KMT2D: variants seen among roughly 807,000 people sequenced by gnomAD.
KMT2D encodes lysine methyltransferase 2D.
KMT2D carries 55 observed loss-of-function variants against 512.7 expected under a neutral mutation model. The observed-to-expected ratio is 0.11, with a 90% confidence interval of 0.09 to 0.13. The LOEUF (loss-of-function observed/expected upper bound fraction) is 0.13, where lower values mean the gene tolerates loss of function less well. Among genes scored for constraint, KMT2D ranks in the 10% least tolerant of loss-of-function variants. The pLI is 1.00. For synonymous variants in KMT2D, 2,995 were observed against 2,904.0 expected (o/e 1.03, Z -1.01); for missense variants, 6,061 against 7,127.9 (o/e 0.85, Z 5.39).
intron 1 of KMT2D, among the ~76,000 whole-genome samples, chr12:49,056,373 C>G (rs1030160423): frequency 6.6e-6 from 1 of 151,924 alleles, no homozygotes; most frequent in African/African-American, 2.4e-5. Flanking sequence ...ATGAAACACA[C>G]TAAAGTTATA....
rs1440584251 is a variant in KMT2D, at chr12:49,038,894, T to C, written c.8462A>G (p.Gln2821Arg). 6.4e-7 allele frequency: 1 copy of C among 1,551,558 alleles called. No homozygotes were observed. The highest frequency in any genetic ancestry group is 1.4e-5 in the African/African-American group (1 of 73,010). ...QQQQQQLWQQ[Q>R]QATAATSMRF... is the part of the protein sequence containing the mutation. ...CATGGAGGTTGCTGCTGTTGCCTGT[T>C]GTTGCTGCCACAGTTGTTGCTGTTG... Residue 2821 changes from glutamine to arginine, a missense_variant, in exon 35 of 55, where the codon CAA (glutamine) becomes CGA (arginine). Physicochemically the swap from Gln to Arg is conservative, Grantham distance 43. Coordinates refer to ENST00000301067, the MANE Select transcript of KMT2D (RefSeq NM_003482.4). The surrounding 1 kb of genome is among the most constrained non-coding windows in gnomAD (Gnocchi z 5.7).
rs777346353 is a variant in KMT2D, at chr12:49,038,490, T to A, written c.8866A>T (p.Thr2956Ser). ...ACCAGCTCCAAACCAGTTGGCAGGG[T>A]AGGACCCTTGGTGTGGGGTGTTGGA... is the stretch of plus-strand genomic sequence containing the variant. ...LHPTPHTKGP[T>S]LPTGLELVNR... is the part of the protein sequence containing the mutation. The change falls in exon 35 of 55, where the codon ACC (threonine) becomes TCC (serine). Residue 2956 changes from threonine (T) to serine (S), a missense_variant. Coordinates refer to ENST00000301067, the MANE Select transcript of KMT2D (RefSeq NM_003482.4). This position sits in a 1 kb window ranked among gnomAD's most constrained non-coding sequence, Gnocchi z 5.7. 2 of 1,606,730 alleles carry A rather than the reference T, an allele frequency of 1.2e-6. No individual in the cohort carries two copies. Among genetic ancestry groups the A allele is most frequent in the Middle Eastern group, 1.7e-4 (1 of 6,026 alleles).
Position 49,052,679 on chromosome 12 carries a change from G to T in KMT2D, c.1143C>A (p.Pro381=). ...CGTACAGAGCATCGGGCTCGTCAGT[G>T]GGGGTATCGCCAGGCTCTGGGGGTG... The part of the protein sequence containing the change: ...RFSPPEPGDT[P]TDEPDALYVA... Residue 381 remains proline (P), a synonymous_variant, in exon 10 of 55, where the codon CCC becomes CCA. Transcript: ENST00000301067. 1 of 1,613,750 alleles carries T rather than the reference G, an allele frequency of 6.2e-7. No individual in the cohort carries two copies. Among genetic ancestry groups the T allele is most frequent in the Non-Finnish European group, 8.5e-7 (1 of 1,179,760 alleles).
chr12:49,057,295 C>T (rs970440214), intron 1 of KMT2D, among the ~76,000 whole-genome samples: 1 of 152,334 alleles, frequency 6.6e-6, no homozygotes, highest in Middle Eastern at 3.4e-3. Flanking sequence ...CCTCTACCCG[C>T]TCTGGTCTCA....
rs1938348285 is a variant in KMT2D at position 49,055,383 on chromosome 12, T to C, written c.-37-22A>G. The C allele has an allele frequency of 2.0e-6, 3 of 1,489,360 alleles. No individual in the cohort carries two copies. The Admixed American group carries it at 5.5e-5, about 27-fold the overall frequency. 92.3% of individuals were successfully genotyped at this position (1,489,360 alleles called of 1,614,324 possible). A position where few individuals can be genotyped will look rare whatever the true frequency, so the allele number is the denominator to read the frequency against. Reference sequence around the variant, plus strand: ...AGACCTGTTGGTGCCAAGAAAGAGATCTATATGCCTACTAAGTCTTCCCAA... The same window carrying C: ...AGACCTGTTGGTGCCAAGAAAGAGACCTATATGCCTACTAAGTCTTCCCAA... On this transcript the variant is annotated intron_variant, in intron 1 of 54. Coordinates refer to ENST00000301067, the MANE Select transcript of KMT2D (RefSeq NM_003482.4).
At position 49,032,329 on chromosome 12, in the gene KMT2D, C is replaced by T. The variant is rs1942961042; in HGVS notation, c.12376G>A (p.Glu4126Lys). 1 of 1,613,784 alleles carries T rather than the reference C, an allele frequency of 6.2e-7. No individual in the cohort carries two copies. Among genetic ancestry groups the T allele is most frequent in the East Asian group, 2.2e-5 (1 of 44,876 alleles). ...HGQLGSGSSS[E>K]ASSVPHLLAQ... The stretch of plus-strand genomic sequence containing the variant: ...AGCAGGTGGGGCACAGATGAGGCCT[C>T]AGAAGATGATCCACTGCCTAGCTGC... The change falls in exon 40 of 55, where the codon GAG becomes AAG. Residue 4126 changes from glutamate to lysine, a missense_variant. Transcript: ENST00000301067.
chr12:49,031,265 G>A lies in KMT2D; in HGVS notation c.13440C>T (p.Ser4480=), dbSNP rs771288307. The part of the protein sequence containing the change: ...KNVQLSTGRG[S]EGLRAEINGH... ...CGTTGATCTCAGCTCGCAGCCCCTC[G>A]GACCCCCGCCCAGTGCTGAGTTGCA... The change falls in exon 40 of 55, where the codon TCC becomes TCT. Residue 4480 remains serine, a synonymous_variant. Coordinates refer to ENST00000301067, the MANE Select transcript of KMT2D (RefSeq NM_003482.4). The A allele has an allele frequency of 1.1e-5, 18 of 1,613,102 alleles. No homozygotes were observed. Among genetic ancestry groups the A allele is most frequent in the East Asian group, 2.2e-5 (1 of 44,886 alleles).
rs1344795854 is a variant in KMT2D, at chr12:49,041,155, G to T, written c.6615C>A (p.Ala2205=). The T allele has an allele frequency of 2.0e-6, 3 of 1,522,434 alleles. No individual in the cohort carries two copies. The highest frequency in any genetic ancestry group is 2.6e-6 in the Non-Finnish European group (3 of 1,138,642). 94.3% of individuals were successfully genotyped at this position (1,522,434 alleles called of 1,614,324 possible). Residue 2205 remains alanine (A), a synonymous_variant, in exon 32 of 55, where the codon GCC becomes GCA. Coordinates refer to ENST00000301067, the MANE Select transcript of KMT2D (RefSeq NM_003482.4). This position sits in a 1 kb window ranked among gnomAD's most constrained non-coding sequence, Gnocchi z 5.4. ...CGCCCAGCATCGGGGGCTGCGCAGGGGCCCCCGTAGGACTAGGATAGGGGG... is the reference window on the plus strand; with the variant it reads ...CGCCCAGCATCGGGGGCTGCGCAGGTGCCCCCGTAGGACTAGGATAGGGGG... ...TYPPYPSPTG[A]PAQPPMLGAS...
chr12:49,050,913 A>G lies in KMT2D; in HGVS notation c.2770T>C (p.Ser924Pro), dbSNP rs2120659640. 6.5e-7 allele frequency: 1 copy of G among 1,536,592 alleles called. No individual in the cohort carries two copies. The highest frequency in any genetic ancestry group is 8.8e-7 in the Non-Finnish European group (1 of 1,140,662). ...ELPLSPSGEPSLSPQLMPPDP... is the reference protein window; with the variant it reads ...ELPLSPSGEPPLSPQLMPPDP... ...GGTGGCATCAGCTGAGGCGACAAGG[A>G]TGGCTCCCCAGATGGGGACAACGGC... Residue 924 changes from serine (S) to proline (P), a missense_variant, in exon 11 of 55, where the codon TCC (serine) becomes CCC (proline). Transcript: ENST00000301067.
chr12:49,038,065 C>T lies in KMT2D; in HGVS notation c.9291G>A (p.Glu3097=), dbSNP rs2120489938. ...CATCAGCAGCAGGGGGAGGGCGCTC[C>T]TCAGGGCCCAAGGGTCCTGGCTCCA... ...RGVEPGPLGP[E]ERPPPAADAS... The change falls in exon 35 of 55, where the codon GAG becomes GAA. Residue 3097 remains glutamate, a synonymous_variant. Coordinates refer to ENST00000301067, the MANE Select transcript of KMT2D (RefSeq NM_003482.4). This position sits in a 1 kb window ranked among gnomAD's most constrained non-coding sequence, Gnocchi z 5.7. 1 of 1,613,218 alleles carries T rather than the reference C, an allele frequency of 6.2e-7. No homozygotes were observed. The highest frequency in any genetic ancestry group is 8.5e-7 in the Non-Finnish European group (1 of 1,179,662).
Position 49,019,487 on chromosome 12 carries a change from CTG to C in KMT2D, c.*2291_*2292del. On this transcript the variant is annotated 3_prime_UTR_variant, in exon 55 of 55. Transcript: ENST00000301067. ...TTATAGTTTATATAAAAATTAAAAA[CTG>C]TATAAGGTTTCTTCACTAAATTCTA... 4.5e-6 allele frequency: 1 copy of C among 222,272 alleles called. No homozygotes were observed. Among genetic ancestry groups the C allele is most frequent in the Non-Finnish European group, 9.0e-6 (1 of 110,906 alleles). The allele number at this position is 222,272 out of a possible 1,614,324, so 13.8% of individuals were successfully genotyped here.
intron 48 of KMT2D, among the ~76,000 whole-genome samples, 159 bp downstream of exon 48, chr12:49,027,644 G>A (rs139062737): frequency 0.025 from 3,787 of 152,006 alleles, 78 homozygotes; most frequent in Non-Finnish European, 0.036. Context: ...TAGTAGAGAC[G>A]GGGTTTCGCC....
chr12:49,019,917 A>G lies in KMT2D; in HGVS notation c.*1863T>C, dbSNP rs931188671. On this transcript the variant is annotated 3_prime_UTR_variant, in exon 55 of 55. Transcript: ENST00000301067. ...CCCCCTCCAGCAGGCCCGCCCGTCCACCACCACCAAGCCCACCCCTACACT... is the reference window on the plus strand; with the variant it reads ...CCCCCTCCAGCAGGCCCGCCCGTCCGCCACCACCAAGCCCACCCCTACACT... 4 of 216,578 alleles carry G rather than the reference A, an allele frequency of 1.8e-5. No homozygotes were observed. In the East Asian group the frequency reaches 2.7e-4, roughly 14 times the overall value. The allele number at this position is 216,578 out of a possible 1,614,324, so 13.4% of individuals were successfully genotyped here.
In KMT2D at chr12:49,051,453, A is replaced by T. The variant is rs2120670340; in HGVS notation, c.2230T>A (p.Ser744Thr). The change falls in exon 11 of 55, where the codon TCA (serine) becomes ACA (threonine). Residue 744 changes from serine (S) to threonine (T), a missense_variant. By Grantham distance (58) the Ser-to-Thr change is moderately conservative. Coordinates refer to ENST00000301067, the MANE Select transcript of KMT2D (RefSeq NM_003482.4). ...LCPRSEGPHLSPRPEEPHLSP... is the reference protein window; with the variant it reads ...LCPRSEGPHLTPRPEEPHLSP... The stretch of plus-strand genomic sequence containing the variant: ...AGGTGCGGCTCCTCAGGCCGGGGTG[A>T]CAGGTGCGGCCCCTCGGACCGGGGG... The T allele has an allele frequency of 6.2e-7, 1 of 1,613,514 alleles. No individual in the cohort carries two copies. The highest frequency in any genetic ancestry group is 8.5e-7 in the Non-Finnish European group (1 of 1,179,716).
chr12:49,053,436 T>G (rs2120696035), intron 7 of KMT2D, 40 bp downstream of exon 7: 1 of 1,610,986 alleles, frequency 6.2e-7, no homozygotes, highest in Non-Finnish European at 8.5e-7. Flanking sequence ...CCCTAACCTG[T>G]GTTGTGCCTA....
At position 49,031,984 on chromosome 12, in the gene KMT2D, G is replaced by A. The variant is rs775951344; in HGVS notation, c.12721C>T (p.Pro4241Ser). ...LQQSQAVRQT[P>S]PYQEPGTQTS... ...TGGGTCCCAGGCTCCTGGTAGGGTGGGGTCTGGCGTACTGCCTGACTCTGC... is the reference window on the plus strand; with the variant it reads ...TGGGTCCCAGGCTCCTGGTAGGGTGAGGTCTGGCGTACTGCCTGACTCTGC... The change falls in exon 40 of 55, where the codon CCA (proline) becomes TCA (serine). Residue 4241 changes from proline (P) to serine (S), a missense_variant. Physicochemically the swap from Pro to Ser is moderately conservative, Grantham distance 74. Around this residue, in one of 16 missense-constraint regions of KMT2D, gnomAD observed 1,600 missense variants for 1,754.9 expected, o/e 0.91. Coordinates refer to ENST00000301067, the MANE Select transcript of KMT2D (RefSeq NM_003482.4). The A allele has an allele frequency of 1.3e-6, 2 of 1,580,966 alleles. No individual in the cohort carries two copies. The highest frequency in any genetic ancestry group is 1.7e-6 in the Non-Finnish European group (2 of 1,160,902).
At position 49,044,797 on chromosome 12, in the gene KMT2D, G is replaced by T. The variant is rs1421146072; in HGVS notation, c.4910C>A (p.Pro1637His). The T allele has an allele frequency of 6.2e-7, 1 of 1,613,888 alleles. No individual in the cohort carries two copies. The highest frequency in any genetic ancestry group is 2.2e-5 in the East Asian group (1 of 44,894). The part of the protein sequence containing the change: ...EGSEPSDALG[P>H]DDKKDGDLDT... ...CAGGTCCCCATCCTTCTTGTCATCA[G>T]GGCCAAGGGCATCTGAGGGCTCAGA... The change falls in exon 20 of 55, where the codon CCT becomes CAT. Residue 1637 changes from proline (P) to histidine (H), a missense_variant. This residue lies in a region of KMT2D where 640 missense variants were observed against 814.3 expected (regional missense o/e 0.79). Transcript: ENST00000301067. This position sits in a 1 kb window ranked among gnomAD's most constrained non-coding sequence, Gnocchi z 6.4.
In KMT2D at chr12:49,043,850, T is replaced by C. The variant is rs2120574132; in HGVS notation, c.5319+18A>G. The C allele has an allele frequency of 6.2e-7, 1 of 1,614,070 alleles. No homozygotes were observed. The highest frequency in any genetic ancestry group is 8.5e-7 in the Non-Finnish European group (1 of 1,179,908). ...AGGGCACAGACACCTCCCTCACTGC[T>C]TGGAGCCTGAGACCCACCTGCAAGT... On this transcript the variant is annotated intron_variant, in intron 23 of 54. Coordinates refer to ENST00000301067, the MANE Select transcript of KMT2D (RefSeq NM_003482.4).
At position 49,026,586 on chromosome 12, in the gene KMT2D, T is replaced by C. The variant is rs757650990; in HGVS notation, c.15380A>G (p.Lys5127Arg). 5.6e-6 allele frequency: 9 copies of C among 1,614,076 alleles called. No homozygotes were observed. Among genetic ancestry groups the C allele is most frequent in the Middle Eastern group, 3.3e-4 (2 of 6,062 alleles). The change falls in exon 49 of 55, where the codon AAG becomes AGG. Residue 5127 changes from lysine (K) to arginine (R), a missense_variant. Lys to Arg is a conservative substitution (Grantham distance 26). Transcript: ENST00000301067. The surrounding 1 kb of genome is among the most constrained non-coding windows in gnomAD (Gnocchi z 9.6). ...CAIRAKCMFFKDKTMLCPMHK... is the reference protein window; with the variant it reads ...CAIRAKCMFFRDKTMLCPMHK... ...CATTGGACACAGCATGGTCTTGTCC[T>C]TGAAGAACATGCACTTGGCACGGAT...
Sources: allele counts gnomAD v4.1 joint callset (sites outside exome capture counted in the v4.1 genomes callset), GRCh38; gene constraint gnomAD v4.1.1; regional missense constraint gnomAD v4.1.1; non-coding constraint Gnocchi (gnomAD v3.1); transcripts MANE v1.5; gene names NCBI Gene and HGNC (gene_info 2026-07-23, HGNC 2026-07-21).